Variants in METTL15 observed in about 807,000 individuals in gnomAD.
METTL15 encodes methyltransferase 15, mitochondrial 12S rRNA N4-cytidine, also known as 12S rRNA N(4)-cytidine methyltransferase METTL15.
In METTL15, 34 loss-of-function variants were observed where a neutral mutation model predicts 38.3. The observed-to-expected ratio is 0.89, with a 90% CI of 0.68 to 1.18. METTL15 has a LOEUF of 1.18. Among genes scored for constraint, METTL15 ranks in the 50% most tolerant of loss-of-function variants. METTL15 has a pLI of 0.00. For missense variants in METTL15, 438 were observed against 498.4 expected, an observed-to-expected ratio of 0.88 and a Z score of 1.15; for synonymous variants, 162 against 170.9, an observed-to-expected ratio of 0.95 and a Z score of 0.41.
intron 6 of METTL15, among the ~76,000 whole-genome samples, chr11:28,487,380 A>C (rs1199054741): frequency 6.6e-6 from 1 of 152,178 alleles, no homozygotes; most frequent in Non-Finnish European, 1.5e-5. Flanking sequence ...CTGACATATT[A>C]AGTAATTGTT....
At chr11:28,178,942 A>T (rs1339120925) in intron 3 of METTL15, among the ~76,000 whole-genome samples, 1 of 151,834 alleles carries the variant, frequency 6.6e-6, no homozygotes, top group African/African-American at 2.4e-5. Context: ...ACTAGGGTAG[A>T]CTTTCTGTAC....
intron 5 of METTL15, among the ~76,000 whole-genome samples, chr11:28,373,021 A>G (rs562403074): frequency 2.0e-5 from 3 of 151,952 alleles, no homozygotes; most frequent in Admixed American, 6.6e-5. Context: ...GTCTATCATT[A>G]TTGGACATTG....
intron 4 of METTL15, among the ~76,000 whole-genome samples, chr11:28,237,997 G>A (rs1052734107): frequency 4.6e-5 from 7 of 152,112 alleles, no homozygotes; most frequent in African/African-American, 1.7e-4. Flanking sequence ...GCCGTATGAG[G>A]TGTCAGTCTG....
rs1195116130 is a variant in METTL15 at position 28,162,709 on chromosome 11, T to G, written c.271-48353T>G. ...TCTATTAGCCTATAGTTGGGCAAAA[T>G]CATCAAACAAAGCCTATTTTGTAGT... On this transcript the variant is annotated intron_variant, in intron 3 of 6. Coordinates refer to ENST00000407364, the MANE Select transcript of METTL15 (RefSeq NM_001113528.2). Among the ~76,000 whole-genome samples, 5 of 152,196 alleles carry G rather than the reference T, an allele frequency of 3.3e-5. No individual in the cohort carries two copies. The East Asian group carries it at 9.6e-4, about 29-fold the overall frequency.
intron 5 of METTL15, among the ~76,000 whole-genome samples, chr11:28,366,938 A>C (rs191982573): frequency 6.6e-6 from 1 of 152,320 alleles, no homozygotes; most frequent in East Asian, 1.9e-4. Flanking sequence ...TAAAGCCAAG[A>C]ATAGCTGTAT....
chr11:28,399,078 A>G (rs759633981), intron 5 of METTL15: 1 of 152,126 alleles, frequency 6.6e-6, no homozygotes, highest in Admixed American at 6.6e-5. Flanking sequence ...CCAAAACAGC[A>G]TAATACTGGT....
intron 6 of METTL15, among the ~76,000 whole-genome samples, chr11:28,435,477 T>G (rs1160490738): frequency 6.6e-6 from 1 of 152,232 alleles, no homozygotes; most frequent in African/African-American, 2.4e-5. Flanking sequence ...TTCTGCTTTC[T>G]GGGAATGCTC....
intron 6 of METTL15, among the ~76,000 whole-genome samples, chr11:28,460,085 T>A (rs1851201617): frequency 6.6e-6 from 1 of 152,016 alleles, no homozygotes; most frequent in Admixed American, 6.6e-5. Flanking sequence ...TTTTATCATT[T>A]TTATTTTATT....
At chr11:28,237,825 A>C (rs1223011102) in intron 4 of METTL15, among the ~76,000 whole-genome samples, 4 of 152,206 alleles carry the variant, frequency 2.6e-5, no homozygotes. Context: ...TCTAACAGAC[A>C]GGACCCTCAG....
At chr11:28,343,217 A>G (rs1430846034) in intron 3 of METTL15, among the ~76,000 whole-genome samples, 3 of 85,686 alleles carry the variant, frequency 3.5e-5, no homozygotes, top group African/African-American at 1.3e-4. Context: ...AGGGAGAAGA[A>G]AAAAAAAAAA....
At chr11:28,295,769 G>A (rs181005914) in intron 5 of METTL15, among the ~76,000 whole-genome samples, 110 of 152,140 alleles carry the variant, frequency 7.2e-4, no homozygotes, top group African/African-American at 2.4e-3. Context: ...GTATTTTTAA[G>A]GAGAGTTTCA....
intron 6 of METTL15, among the ~76,000 whole-genome samples, chr11:28,504,957 T>G (rs1851615626): frequency 6.6e-6 from 1 of 152,166 alleles, no homozygotes; most frequent in African/African-American, 2.4e-5. Context: ...CAGTTTATGC[T>G]TCACCACCAG....
chr11:28,218,465 C>T lies in METTL15; in HGVS notation c.407+7267C>T, dbSNP rs181544515. 2.1e-3 allele frequency among the ~76,000 whole-genome samples: 316 copies of T among 152,206 alleles called. 6 individuals are homozygous for T. In the East Asian group the frequency reaches 0.054, roughly 26 times the overall value. Reference sequence around the variant, plus strand: ...AGCTTAAAGAGATTTTGGGCTGAGACGATGGGGTTTTCTAGATATACAATC... The same window carrying T: ...AGCTTAAAGAGATTTTGGGCTGAGATGATGGGGTTTTCTAGATATACAATC... On this transcript the variant is annotated intron_variant, in intron 4 of 6. Transcript: ENST00000407364.
At chr11:28,287,728 T>C (rs1766299864) in intron 4 of METTL15, 1 of 152,762 alleles carries the variant, frequency 6.5e-6, no homozygotes, top group South Asian at 2.1e-4. Flanking sequence ...CTCCCCACTG[T>C]ATTCTTGCAG....
intron 6 of METTL15, among the ~76,000 whole-genome samples, chr11:28,322,503 T>TA (rs1849505040): frequency 6.6e-6 from 1 of 151,982 alleles, no homozygotes; most frequent in African/African-American, 2.4e-5. Flanking sequence ...GGTTAAAGAG[T>TA]GATAGCTTCT....
At chr11:28,337,394 T>C (rs1212043867), downstream of METTL15, among the ~76,000 whole-genome samples, 1 of 152,038 alleles carries the variant, frequency 6.6e-6, no homozygotes, top group Non-Finnish European at 1.5e-5. Context: ...GAAATAAAAA[T>C]GGACTGAGAC....
At chr11:28,120,466 C>A (rs1852180610) in intron 3 of METTL15, among the ~76,000 whole-genome samples, 2 of 151,718 alleles carry the variant, frequency 1.3e-5, no homozygotes. Flanking sequence ...TGTGACACTG[C>A]CAGTGCTGTT....
At chr11:28,264,549 G>T (rs535043691) in intron 4 of METTL15, among the ~76,000 whole-genome samples, 1 of 152,152 alleles carries the variant, frequency 6.6e-6, no homozygotes, top group South Asian at 2.1e-4. Context: ...TCAATTTAAG[G>T]ATCAGTTGTG....
At chr11:28,293,209 A>G (rs1374393625) in intron 5 of METTL15, among the ~76,000 whole-genome samples, 1 of 152,186 alleles carries the variant, frequency 6.6e-6, no homozygotes, top group Non-Finnish European at 1.5e-5. Flanking sequence ...TAAGTCTTTA[A>G]TCCATCTTGA....
Sources: gnomAD v4.1 joint callset for allele counts (sites outside exome capture counted in the v4.1 genomes callset) on GRCh38, gnomAD v4.1.1 for gene constraint, MANE v1.5 for transcripts, NCBI Gene and HGNC (gene_info 2026-07-23, HGNC 2026-07-21) for gene names.